ANAPC10: variants seen among roughly 807,000 people sequenced by gnomAD.
The protein encoded by ANAPC10 is anaphase promoting complex subunit 10.
Under a neutral mutation model 22.0 loss-of-function variants are expected in ANAPC10, and 12 were observed. The ratio of observed to expected loss-of-function variants is 0.55; its 90% CI spans 0.35 to 0.88. ANAPC10 has a LOEUF of 0.88. ANAPC10 is among the 40% of genes least tolerant of loss of function. The pLI is 0.01. For synonymous variants in ANAPC10, 65 were observed against 69.5 expected (o/e 0.94, Z 0.32); for missense variants, 188 against 220.9 (o/e 0.85, Z 0.94).
intron 4 of ANAPC10, among the ~76,000 whole-genome samples, chr4:145,039,461 A>G (rs1445269268): frequency 6.6e-6 from 1 of 152,218 alleles, no homozygotes; most frequent in African/African-American, 2.4e-5. Context: ...TTCTTGCTTT[A>G]GATTTTTCCT....
chr4:145,046,347 T>C (rs1740295485), intron 4 of ANAPC10, among the ~76,000 whole-genome samples: 1 of 152,116 alleles, frequency 6.6e-6, no homozygotes, highest in Non-Finnish European at 1.5e-5. Flanking sequence ...GCATAGAAAG[T>C]ATAAGGGCTA....
Position 144,995,389 on chromosome 4 carries a change from T to C in ANAPC10, c.542A>G (p.Tyr181Cys), listed in dbSNP as rs375679251. Reference sequence around the variant, plus strand: ...ATTTTAAAGTCACCTTATTGAACGATACATCATGAAATCTATAGTTGTACA... The same window carrying C: ...ATTTTAAAGTCACCTTATTGAACGACACATCATGAAATCTATAGTTGTACA... ...PRCTTIDFMM[Y>C]RSIR Residue 181 changes from tyrosine to cysteine, a missense_variant, in exon 5 of 5, where the codon TAT becomes TGT. Coordinates refer to ENST00000507656, the MANE Select transcript of ANAPC10 (RefSeq NM_001256706.2). 4 of 1,608,884 alleles carry C rather than the reference T, an allele frequency of 2.5e-6. No individual in the cohort carries two copies. The highest frequency in any genetic ancestry group is 3.3e-5 in the Admixed American group (2 of 59,726).
At chr4:144,996,968 A>AATC (rs1731713865) in intron 4 of ANAPC10, among the ~76,000 whole-genome samples, 1 of 152,196 alleles carries the variant, frequency 6.6e-6, no homozygotes, top group African/African-American at 2.4e-5. Context: ...TGATTCGATC[A>AATC]AGTGGAAGAA....
At chr4:145,017,700 G>A (rs528953514) in intron 4 of ANAPC10, among the ~76,000 whole-genome samples, 219 of 152,210 alleles carry the variant, frequency 1.4e-3, no homozygotes, top group African/African-American at 5.0e-3. Context: ...ACTCACAATA[G>A]CAAAGACTTG....
intron 4 of ANAPC10, among the ~76,000 whole-genome samples, chr4:145,007,930 G>C (rs933471954): frequency 5.3e-5 from 8 of 150,710 alleles, no homozygotes; most frequent in Non-Finnish European, 1.0e-4. Context: ...AAAATTGATA[G>C]ACCGCTAGCA....
intron 4 of ANAPC10, among the ~76,000 whole-genome samples, chr4:145,035,779 G>A (rs1738429608): frequency 6.6e-6 from 1 of 152,132 alleles, no homozygotes; most frequent in African/African-American, 2.4e-5. Flanking sequence ...CATCAGATGT[G>A]AAAACAACAG....
At chr4:145,054,638 TGTGC>T (rs1254469578) in intron 4 of ANAPC10, among the ~76,000 whole-genome samples, 3,082 of 65,360 alleles carry the variant, frequency 0.047, 49 homozygotes, top group Non-Finnish European at 0.072. Flanking sequence ...TGTGTGTGTG[TGTGC>T]GCGCGCGCGC....
intron 4 of ANAPC10, among the ~76,000 whole-genome samples, chr4:145,009,240 G>A (rs1029824211): frequency 7.9e-5 from 12 of 152,094 alleles, no homozygotes; most frequent in Non-Finnish European, 1.8e-4. Context: ...TCAATATCAT[G>A]AAAATGGCCA....
At chr4:145,071,031 A>T (rs891994150) in intron 3 of ANAPC10, among the ~76,000 whole-genome samples, 3 of 152,240 alleles carry the variant, frequency 2.0e-5, no homozygotes, top group African/African-American at 4.8e-5. Context: ...GGTTCCACAC[A>T]GGATGATGAA....
At chr4:145,004,431 G>T (rs991938513) in intron 4 of ANAPC10, among the ~76,000 whole-genome samples, 6 of 152,142 alleles carry the variant, frequency 3.9e-5, no homozygotes, top group African/African-American at 1.4e-4. Flanking sequence ...GTTTTCAAGA[G>T]GAATGCTTCC....
intron 2 of ANAPC10, among the ~76,000 whole-genome samples, chr4:145,086,120 G>A (rs766652898): frequency 3.9e-5 from 6 of 151,996 alleles, no homozygotes; most frequent in Non-Finnish European, 5.9e-5. Context: ...CTGCCAACAC[G>A]CCCAGCTAAT....
At chr4:145,052,728 C>T (rs1044259509) in intron 4 of ANAPC10, among the ~76,000 whole-genome samples, 11 of 151,624 alleles carry the variant, frequency 7.3e-5, no homozygotes, top group African/African-American at 2.2e-4. Flanking sequence ...AGTGAAAACC[C>T]GTCTCAAAAA....
intron 4 of ANAPC10, chr4:145,063,871 T>C (rs1195158218): frequency 1.3e-5 from 2 of 152,098 alleles, no homozygotes; most frequent in Non-Finnish European, 2.9e-5. Context: ...AAAAGTTATA[T>C]CCTGTATGAC....
intron 4 of ANAPC10, among the ~76,000 whole-genome samples, chr4:145,001,709 G>A (rs924417910): frequency 1.3e-5 from 2 of 152,080 alleles, no homozygotes; most frequent in African/African-American, 4.8e-5. Context: ...AGCTGCTATG[G>A]TATGAAACCT....
chr4:145,084,613 G>C (rs1203869680), intron 2 of ANAPC10, among the ~76,000 whole-genome samples: 2 of 151,934 alleles, frequency 1.3e-5, no homozygotes, highest in Admixed American at 6.6e-5. Context: ...TTTCAAAAAA[G>C]TTTACTAATT....
At chr4:145,062,308 G>A (rs893547531) in intron 4 of ANAPC10, among the ~76,000 whole-genome samples, 1 of 151,688 alleles carries the variant, frequency 6.6e-6, no homozygotes, top group African/African-American at 2.4e-5. Flanking sequence ...TTTCAAGAAG[G>A]GTTTCTTAAA....
intron 3 of ANAPC10, among the ~76,000 whole-genome samples, chr4:145,075,981 C>G (rs1745140778): frequency 6.6e-6 from 1 of 152,174 alleles, no homozygotes; most frequent in African/African-American, 2.4e-5. Flanking sequence ...CTGAGCAACA[C>G]TTTGTCTGCC....
At chr4:145,021,936 TCAG>T (rs1368108346) in intron 4 of ANAPC10, among the ~76,000 whole-genome samples, 14 of 152,126 alleles carry the variant, frequency 9.2e-5, no homozygotes, top group African/African-American at 3.1e-4. Context: ...TCACTAATGA[TCAG>T]GCAAATGCGA....
intron 2 of ANAPC10, among the ~76,000 whole-genome samples, chr4:145,082,400 C>T (rs1254025004): frequency 6.6e-6 from 1 of 152,236 alleles, no homozygotes; most frequent in Admixed American, 6.5e-5. Flanking sequence ...CCAGCCGCCT[C>T]AGCTTCCCAA....
Sources: gnomAD v4.1 joint callset for allele counts (sites outside exome capture counted in the v4.1 genomes callset) on GRCh38, gnomAD v4.1.1 for gene constraint, MANE v1.5 for transcripts, NCBI Gene and HGNC (gene_info 2026-07-23, HGNC 2026-07-21) for gene names.